The following PKHD1 variants were observed in gnomAD, a reference collection of about 807,000 sequenced individuals.
PKHD1 encodes the protein fibrocystin.
PKHD1 carries 291 observed loss-of-function variants against 412.0 expected under a neutral mutation model. That is an observed-to-expected ratio of 0.71 (90% confidence interval 0.64 to 0.78). The LOEUF is 0.78. Among genes scored for constraint, PKHD1 ranks in the 30% least tolerant of loss-of-function variants. PKHD1 has a pLI of 0.00. For missense variants in PKHD1, 4,825 were observed against 4,950.7 expected, an observed-to-expected ratio of 0.97 and a Z score of 0.76; for synonymous variants, 1,777 against 1,821.5, an observed-to-expected ratio of 0.98 and a Z score of 0.62.
rs777367274 is a variant in PKHD1, at chr6:51,772,805, G to T, written c.8555-16C>A. On this transcript the variant is annotated splice_polypyrimidine_tract_variant and intron_variant, in intron 54 of 66. Coordinates refer to ENST00000371117, the MANE Select transcript of PKHD1 (RefSeq NM_138694.4). ...CCATAAACCCCTGAAAATAAAAGGAGTAACAGTTGGATAGAAAAATCCTTC... is the reference window on the plus strand; with the variant it reads ...CCATAAACCCCTGAAAATAAAAGGATTAACAGTTGGATAGAAAAATCCTTC... 4.7e-5 allele frequency: 65 copies of T among 1,375,268 alleles called. 1 individual carries two copies. The Admixed American group carries it at 1.0e-3, about 22-fold the overall frequency. 85.2% of individuals were successfully genotyped at this position (1,375,268 alleles called of 1,614,324 possible). A position where few individuals can be genotyped will look rare whatever the true frequency, so the allele number is the denominator to read the frequency against.
At position 51,616,600 on chromosome 6, in the gene PKHD1, T is replaced by A; in HGVS notation, c.*2481A>T. 2.5e-6 allele frequency: 1 copy of A among 397,308 alleles called. No homozygotes were observed. Among genetic ancestry groups the A allele is most frequent in the East Asian group, 3.6e-5 (1 of 27,672 alleles). 24.6% of individuals were successfully genotyped at this position (397,308 alleles called of 1,614,324 possible). ...AGGAATTTTAGCTAGATGCCAAAAT[T>A]CCATGCCACATGCTAGAGCCTGGCA... On this transcript the variant is annotated 3_prime_UTR_variant, in exon 67 of 67. Coordinates refer to ENST00000371117, the MANE Select transcript of PKHD1 (RefSeq NM_138694.4).
chr6:51,939,062 A>G (rs575821909), intron 36 of PKHD1, among the ~76,000 whole-genome samples: 2 of 151,564 alleles, frequency 1.3e-5, no homozygotes, highest in East Asian at 3.9e-4. Flanking sequence ...TGTCTGCCTG[A>G]TTATTCACCC....
intron 14 of PKHD1, among the ~76,000 whole-genome samples, chr6:52,062,127 T>G (rs1808771924): frequency 6.6e-6 from 1 of 152,138 alleles, no homozygotes; most frequent in Non-Finnish European, 1.5e-5. Context: ...TAGGCTTTGC[T>G]CCCTCATGTA....
At position 52,054,060 on chromosome 6, in the gene PKHD1, G is replaced by A; in HGVS notation, c.1942C>T (p.Leu648Phe). The change falls in exon 20 of 67, where the codon CTC becomes TTC. Residue 648 changes from leucine to phenylalanine, a missense_variant. Coordinates refer to ENST00000371117, the MANE Select transcript of PKHD1 (RefSeq NM_138694.4). ...MVKNTTCDWS[L>F]TRTSPESWQF... ...TACCTCTCGGGGCTGGTCCTCGTGA[G>A]ACTCCAGTCACAGGTGGTATTCTTT... 1 of 1,613,916 alleles carries A rather than the reference G, an allele frequency of 6.2e-7. No homozygotes were observed. The highest frequency in any genetic ancestry group is 8.5e-7 in the Non-Finnish European group (1 of 1,179,836).
chr6:51,980,293 A>C (rs1005369290), intron 35 of PKHD1, among the ~76,000 whole-genome samples: 1 of 152,196 alleles, frequency 6.6e-6, no homozygotes, highest in African/African-American at 2.4e-5. Flanking sequence ...GGTATAACTC[A>C]AACTCCTGCC....
At chr6:51,919,937 T>C (rs1022108071) in intron 37 of PKHD1, among the ~76,000 whole-genome samples, 1 of 152,242 alleles carries the variant, frequency 6.6e-6, no homozygotes, top group African/African-American at 2.4e-5. Context: ...TTGTCTGTTA[T>C]TGGTGTATAA....
intron 43 of PKHD1, among the ~76,000 whole-genome samples, chr6:51,888,652 G>A (rs1033444371): frequency 6.6e-6 from 1 of 151,692 alleles, no homozygotes; most frequent in Non-Finnish European, 1.5e-5. Flanking sequence ...CACCCTTCCT[G>A]GTTCACTCAT....
At chr6:51,822,803 G>A (rs1339884113) in intron 52 of PKHD1, among the ~76,000 whole-genome samples, 3 of 152,184 alleles carry the variant, frequency 2.0e-5, no homozygotes, top group Middle Eastern at 6.8e-3. Flanking sequence ...TCACCTGTGT[G>A]CAAAAGTTCT....
Position 51,774,278 on chromosome 6 carries a change from C to T in PKHD1, c.8555-1489G>A, listed in dbSNP as rs114489177. Among the ~76,000 whole-genome samples the T allele has an allele frequency of 4.3e-3, 649 of 152,070 alleles. 4 individuals are homozygous for T. The highest frequency in any genetic ancestry group is 0.012 in the African/African-American group (503 of 41,534). ...TAAAATTTGTCATCTACTTATGATA[C>T]TACAAAAATTTGAGCATGCAGTAAA... On this transcript the variant is annotated intron_variant, in intron 54 of 66. Transcript: ENST00000371117.
rs9395699 is a variant in PKHD1, at chr6:51,619,550, G to A, written c.11786-30C>T. 268,021 of 1,575,624 alleles carry A rather than the reference G, an allele frequency of 0.17. 24,270 individuals are homozygous for A. Among genetic ancestry groups the A allele is most frequent in the East Asian group, 0.33 (14,634 of 44,658 alleles). On this transcript the variant is annotated intron_variant, in intron 66 of 66. Coordinates refer to ENST00000371117, the MANE Select transcript of PKHD1 (RefSeq NM_138694.4). ...GGGGAAAAGAAATAGGGGAAGAAAT[G>A]GATTTAGTTTTCAACCAGTTAATTA... is the stretch of plus-strand genomic sequence containing the variant.
chr6:51,717,775 A>G (rs1781452506), intron 60 of PKHD1, among the ~76,000 whole-genome samples: 1 of 152,212 alleles, frequency 6.6e-6, no homozygotes, highest in Non-Finnish European at 1.5e-5. Context: ...CAGGGAAAGG[A>G]AGGAGACACT....
intron 49 of PKHD1, among the ~76,000 whole-genome samples, chr6:51,854,146 T>C (rs1213937091): frequency 1.3e-5 from 2 of 152,062 alleles, no homozygotes; most frequent in African/African-American, 4.8e-5. Context: ...ATGCTGTTGT[T>C]GTCGCTTTCT....
chr6:51,739,024 T>C (rs1441345745), intron 60 of PKHD1, among the ~76,000 whole-genome samples: 1 of 149,458 alleles, frequency 6.7e-6, no homozygotes, highest in Non-Finnish European at 1.5e-5. Flanking sequence ...TGTGTGTGTA[T>C]GTACTTTATA....
At chr6:51,956,305 CGTGTGTGT>C (rs3062566) in intron 36 of PKHD1, among the ~76,000 whole-genome samples, 38 of 150,318 alleles carry the variant, frequency 2.5e-4, no homozygotes, top group African/African-American at 4.9e-4. Context: ...CTTATACATA[CGTGTGTGT>C]GTGTGTGTGT....
At chr6:52,065,788 A>G (rs1809606440) in intron 12 of PKHD1, among the ~76,000 whole-genome samples, 188 bp downstream of exon 12, 1 of 152,180 alleles carries the variant, frequency 6.6e-6, no homozygotes. Context: ...AGGACATTCC[A>G]TTCCTGTGAC....
intron 52 of PKHD1, among the ~76,000 whole-genome samples, chr6:51,813,997 C>T (rs566166155): frequency 2.7e-4 from 41 of 152,238 alleles, no homozygotes; most frequent in African/African-American, 8.2e-4. Context: ...GGGAAAGACT[C>T]ATAACCATAC....
At chr6:51,987,352 T>A (rs1796346141) in intron 35 of PKHD1, among the ~76,000 whole-genome samples, 1 of 152,210 alleles carries the variant, frequency 6.6e-6, no homozygotes, top group Non-Finnish European at 1.5e-5. Flanking sequence ...TGAGCATTTA[T>A]TAGATGTAGG....
intron 53 of PKHD1, among the ~76,000 whole-genome samples, chr6:51,784,556 C>T (rs1020796710): frequency 6.6e-6 from 1 of 152,224 alleles, no homozygotes; most frequent in Non-Finnish European, 1.5e-5. Flanking sequence ...CTGGAATTTC[C>T]ATATTTATGA....
intron 35 of PKHD1, among the ~76,000 whole-genome samples, chr6:51,986,246 A>G (rs1796204335): frequency 6.6e-6 from 1 of 152,258 alleles, no homozygotes; most frequent in South Asian, 2.1e-4. Context: ...AGTCATGAAT[A>G]TGACTAATGA....
Sources: allele counts gnomAD v4.1 joint callset (sites outside exome capture counted in the v4.1 genomes callset), GRCh38; gene constraint gnomAD v4.1.1; transcripts MANE v1.5; gene names NCBI Gene and HGNC (gene_info 2026-07-23, HGNC 2026-07-21).